DPY19L2: variants seen among roughly 807,000 people sequenced by gnomAD.
DPY19L2 encodes dpy-19 like 2.
A neutral mutation model predicts 97.9 loss-of-function variants in DPY19L2; 34 were observed. That is an observed-to-expected ratio of 0.35 (90% confidence interval 0.26 to 0.46). DPY19L2 has a LOEUF of 0.46. Among genes scored for constraint, DPY19L2 ranks in the 20% least tolerant of loss-of-function variants. The pLI is 1.00. For synonymous variants in DPY19L2, 230 were observed against 307.9 expected, an observed-to-expected ratio of 0.75 and a Z score of 2.65; for missense variants, 623 against 911.4, an observed-to-expected ratio of 0.68 and a Z score of 4.07.
At chr12:63,628,153 G>A (rs1289473723) in intron 6 of DPY19L2, among the ~76,000 whole-genome samples, 22 of 152,148 alleles carry the variant, frequency 1.4e-4, no homozygotes, top group Admixed American at 1.1e-3. Flanking sequence ...CACAGAGGAC[G>A]GGTGATTTCT....
intron 11 of DPY19L2, among the ~76,000 whole-genome samples, chr12:63,613,059 A>G (rs1887272241): frequency 6.6e-6 from 1 of 152,114 alleles, no homozygotes; most frequent in Non-Finnish European, 1.5e-5. Flanking sequence ...TTTCACTGGT[A>G]AATTCTACCA....
At chr12:63,597,690 A>T in intron 14 of DPY19L2, 119 bp downstream of exon 14, 1 of 851,358 alleles carries the variant, frequency 1.2e-6, no homozygotes, top group Non-Finnish European at 1.8e-6. Flanking sequence ...AGCAAAAGTT[A>T]CAGTAAAAAA....
At chr12:63,582,303 C>T in intron 18 of DPY19L2, 103 bp downstream of exon 18, 1 of 1,234,882 alleles carries the variant, frequency 8.1e-7, no homozygotes, top group Non-Finnish European at 1.1e-6. Flanking sequence ...GTTAAAAACA[C>T]TTAGTGTGTT....
At chr12:63,598,007 G>A in intron 13 of DPY19L2, 97 bp from the exon 14 acceptor site, 2 of 963,694 alleles carry the variant, frequency 2.1e-6, no homozygotes, top group Non-Finnish European at 2.9e-6. Context: ...AAAGTTTATA[G>A]AGCAGATAAA....
chr12:63,635,062 G>A (rs1158390187), intron 6 of DPY19L2, among the ~76,000 whole-genome samples: 7 of 152,252 alleles, frequency 4.6e-5, no homozygotes, highest in Admixed American at 3.3e-4. Flanking sequence ...TCACACAGCC[G>A]GGTACTCCTC....
chr12:63,571,034 C>T (rs1478955074), intron 19 of DPY19L2, among the ~76,000 whole-genome samples, 177 bp from the exon 20 acceptor site: 1 of 152,038 alleles, frequency 6.6e-6, no homozygotes, highest in Admixed American at 6.6e-5. Flanking sequence ...TAATAGCTGA[C>T]TTTTGTTAAA....
chr12:63,654,332 T>C (rs1361916048), intron 4 of DPY19L2, among the ~76,000 whole-genome samples: 1 of 152,110 alleles, frequency 6.6e-6, no homozygotes. Flanking sequence ...TAAAGTGATA[T>C]ATTGAAAAAA....
chr12:63,563,861 G>T (rs2942646), intron 21 of DPY19L2, among the ~76,000 whole-genome samples: 1 of 152,092 alleles, frequency 6.6e-6, no homozygotes, highest in South Asian at 2.1e-4. Context: ...TATCTGTCTT[G>T]AAGTTTTCTT....
intron 6 of DPY19L2, among the ~76,000 whole-genome samples, chr12:63,628,703 G>A (rs1236616170): frequency 6.6e-6 from 1 of 151,710 alleles, no homozygotes; most frequent in Non-Finnish European, 1.5e-5. Flanking sequence ...CTGTCTGACA[G>A]CTTTGAAGAG....
chr12:63,574,467 T>C (rs1796844242), intron 19 of DPY19L2, among the ~76,000 whole-genome samples: 1 of 151,870 alleles, frequency 6.6e-6, no homozygotes, highest in South Asian at 2.1e-4. Flanking sequence ...TTAACAATAA[T>C]AACACTGAAG....
chr12:63,629,700 C>A (rs1444847138), intron 6 of DPY19L2, among the ~76,000 whole-genome samples: 1 of 152,084 alleles, frequency 6.6e-6, no homozygotes. Flanking sequence ...CATTCAAATT[C>A]AGGAAATACA....
intron 14 of DPY19L2, among the ~76,000 whole-genome samples, chr12:63,596,847 T>C (rs1309680480): frequency 6.6e-6 from 1 of 152,218 alleles, no homozygotes; most frequent in African/African-American, 2.4e-5. Flanking sequence ...CGTCCTGATC[T>C]TGGCTTGTGT....
At chr12:63,614,639 G>A (rs967727313) in intron 11 of DPY19L2, among the ~76,000 whole-genome samples, 13 of 151,950 alleles carry the variant, frequency 8.6e-5, no homozygotes, top group African/African-American at 2.4e-4. Context: ...ATCATCCCCT[G>A]GCTTCTTGAG....
At chr12:63,621,496 T>C (rs1015081388) in intron 8 of DPY19L2, among the ~76,000 whole-genome samples, 159 bp from the exon 9 acceptor site, 1 of 152,222 alleles carries the variant, frequency 6.6e-6, no homozygotes, top group Non-Finnish European at 1.5e-5. Context: ...TAAAAAGAAC[T>C]TGAAATACTT....
At chr12:63,654,696 A>G (rs1300053725) in intron 4 of DPY19L2, among the ~76,000 whole-genome samples, 3 of 152,140 alleles carry the variant, frequency 2.0e-5, no homozygotes, top group Non-Finnish European at 2.9e-5. Context: ...CCATTATCAG[A>G]AAAAAGCACA....
In DPY19L2 at chr12:63,594,807, A is replaced by T. The variant is rs562948353; in HGVS notation, c.1534-674T>A. Among the ~76,000 whole-genome samples, 17 of 152,210 alleles carry T rather than the reference A, an allele frequency of 1.1e-4. No individual in the cohort carries two copies. In the South Asian group the frequency reaches 3.5e-3, roughly 32 times the overall value. ...GGATCTAGCTATCAGTTTCTCTCAC[A>T]TTGCTGACTCTCCGCTGAATAGTTA... On this transcript the variant is annotated intron_variant, in intron 15 of 21. Transcript: ENST00000324472.
intron 6 of DPY19L2, among the ~76,000 whole-genome samples, chr12:63,642,206 T>C (rs1344945856): frequency 2.6e-5 from 4 of 152,162 alleles, no homozygotes; most frequent in African/African-American, 7.2e-5. Flanking sequence ...CAACAGTCTT[T>C]CAATAAATAT....
chr12:63,633,365 A>C (rs1482034333), intron 6 of DPY19L2, among the ~76,000 whole-genome samples: 2 of 152,182 alleles, frequency 1.3e-5, no homozygotes, highest in Non-Finnish European at 2.9e-5. Flanking sequence ...ACAAATTTAC[A>C]AGAAAAAAAC....
At chr12:63,592,623 T>TA (rs1324153775) in intron 16 of DPY19L2, among the ~76,000 whole-genome samples, 1 of 147,328 alleles carries the variant, frequency 6.8e-6, no homozygotes, top group Non-Finnish European at 1.5e-5. Flanking sequence ...CCTTACACCT[T>TA]ATACAAAAAT....
Sources: gnomAD v4.1 joint callset for allele counts (sites outside exome capture counted in the v4.1 genomes callset) on GRCh38, gnomAD v4.1.1 for gene constraint, MANE v1.5 for transcripts, NCBI Gene and HGNC (gene_info 2026-07-23, HGNC 2026-07-21) for gene names.